DAAM1: variants seen among roughly 807,000 people sequenced by gnomAD.
The protein encoded by DAAM1 is dishevelled associated activator of morphogenesis 1.
DAAM1 carries 52 observed loss-of-function variants against 130.0 expected under a neutral mutation model. The ratio of observed to expected loss-of-function variants is 0.40; its 90% CI spans 0.32 to 0.50. The LOEUF (loss-of-function observed/expected upper bound fraction) is 0.50, where lower values mean the gene tolerates loss of function less well. Among genes scored for constraint, DAAM1 ranks in the 20% least tolerant of loss-of-function variants. The pLI, the probability that DAAM1 is intolerant of heterozygous loss-of-function variation, is 0.61. For synonymous variants in DAAM1, 452 were observed against 444.5 expected, an observed-to-expected ratio of 1.02 and a Z score of -0.21; for missense variants, 1,134 against 1,303.8, an observed-to-expected ratio of 0.87 and a Z score of 2.01.
intron 24 of DAAM1, among the ~76,000 whole-genome samples, chr14:59,367,987 G>C (rs1170221030): frequency 7.9e-5 from 12 of 152,086 alleles, no homozygotes; most frequent in African/African-American, 2.7e-4. Context: ...TGCAGTCCTT[G>C]AAAGACATGT....
intron 1 of DAAM1, among the ~76,000 whole-genome samples, chr14:59,198,791 G>C (rs1341730022): frequency 1.3e-5 from 2 of 152,136 alleles, no homozygotes; most frequent in African/African-American, 4.8e-5. Context: ...CTGTCTTTTG[G>C]TGCTTTGCAA....
intron 1 of DAAM1, among the ~76,000 whole-genome samples, chr14:59,241,623 T>C (rs1368046151): frequency 3.9e-5 from 6 of 152,220 alleles, no homozygotes; most frequent in African/African-American, 1.4e-4. Context: ...TTTTGCTCCT[T>C]AATTCTGCTC....
intron 2 of DAAM1, among the ~76,000 whole-genome samples, chr14:59,281,425 A>G (rs924712185): frequency 1.9e-4 from 29 of 152,092 alleles, no homozygotes; most frequent in African/African-American, 7.0e-4. Flanking sequence ...CTTTGGAGTA[A>G]ATTCACTTGC....
chr14:59,363,892 G>A (rs769629623), intron 23 of DAAM1, 110 bp downstream of exon 23: 387 of 1,463,718 alleles, frequency 2.6e-4, no homozygotes, highest in Non-Finnish European at 3.3e-4. Flanking sequence ...TCCAAACTTC[G>A]TGGTGCAGGA....
chr14:59,209,025 T>G (rs1194784065), intron 1 of DAAM1, among the ~76,000 whole-genome samples: 5 of 152,150 alleles, frequency 3.3e-5, no homozygotes. Context: ...AAATTAAACC[T>G]CTCTTCTTTA....
rs58762540 is a variant in DAAM1 at position 59,288,832 on chromosome 14, G to GGAGAGAGAGAGAGAGAGAGA, written c.184-2375_184-2356dup. On this transcript the variant is annotated intron_variant, in intron 2 of 24. Transcript: ENST00000360909. Reference sequence around the variant, plus strand: ...GCAAGCACATTTTCCTGTGATAGCAGGAGAGAGAGAGAGAGAGAGAGAGAG... The same window carrying GGAGAGAGAGAGAGAGAGAGA: ...GCAAGCACATTTTCCTGTGATAGCAGGAGAGAGAGAGAGAGAGAGAGAGAGAGAGAGAGAGAGAGAGAGAG... Among the ~76,000 whole-genome samples the GGAGAGAGAGAGAGAGAGAGA allele has an allele frequency of 5.0e-3, 720 of 143,878 alleles. 8 individuals carry two copies. Among genetic ancestry groups the GGAGAGAGAGAGAGAGAGAGA allele is most frequent in the African/African-American group, 0.018 (673 of 36,816 alleles). The allele number at this position is 143,878 out of a possible 152,430, so 94.4% of individuals were successfully genotyped here. A position where few individuals can be genotyped will look rare whatever the true frequency, so the allele number is the denominator to read the frequency against.
intron 2 of DAAM1, among the ~76,000 whole-genome samples, chr14:59,289,784 A>ATATATATATATACACATATAT: frequency 7.8e-6 from 1 of 128,714 alleles, no homozygotes; most frequent in African/African-American, 2.9e-5. Context: ...ATATATATAT[A>ATATATATATATACACATATAT]ATGGAATGCT....
Position 59,330,640 on chromosome 14 carries a change from C to G in DAAM1, c.1512C>G (p.Val504=). The G allele has an allele frequency of 1.2e-6, 2 of 1,613,878 alleles. No homozygotes were observed. The highest frequency in any genetic ancestry group is 1.7e-6 in the Non-Finnish European group (2 of 1,179,942). The change falls in exon 13 of 25, where the codon GTC becomes GTG. Residue 504 remains valine (V), a synonymous_variant. Transcript: ENST00000360909. ...LEKETTEHKQ[V]KQQVADLTAQ... ...AGGAGACTACTGAGCATAAGCAAGT[C>G]AAGCAGCAGGTGGCGGACCTCACAG...
Position 59,368,760 on chromosome 14 carries a change from T to C in DAAM1, c.3108T>C (p.Phe1036=). 6.2e-7 allele frequency: 1 copy of C among 1,614,052 alleles called. No homozygotes were observed. Among genetic ancestry groups the C allele is most frequent in the Non-Finnish European group, 8.5e-7 (1 of 1,179,958 alleles). The change falls in exon 25 of 25, where the codon TTT becomes TTC. Residue 1036 remains phenylalanine (F), a synonymous_variant. Coordinates refer to ENST00000360909, the MANE Select transcript of DAAM1 (RefSeq NM_001270520.2). ...LVSALRSGEV[F]DKDLSKLKRN... ...CAGCTTTACGCTCAGGAGAAGTGTTTGACAAAGACCTTTCTAAATTGAAAC... is the reference window on the plus strand; with the variant it reads ...CAGCTTTACGCTCAGGAGAAGTGTTCGACAAAGACCTTTCTAAATTGAAAC...
At chr14:59,215,882 A>G (rs139452036) in intron 1 of DAAM1, among the ~76,000 whole-genome samples, 1 of 152,338 alleles carries the variant, frequency 6.6e-6, no homozygotes, top group East Asian at 1.9e-4. Flanking sequence ...GCCTGCTGAA[A>G]TGACACTATA....
At chr14:59,327,547 A>T (rs1301141716) in intron 12 of DAAM1, among the ~76,000 whole-genome samples, 1 of 151,622 alleles carries the variant, frequency 6.6e-6, no homozygotes, top group African/African-American at 2.4e-5. Flanking sequence ...AGCTGGGACT[A>T]CCGGCGCCCG....
In DAAM1 at chr14:59,359,491, G is replaced by T. The variant is rs1336467739; in HGVS notation, c.2620G>T (p.Ala874Ser). The T allele has an allele frequency of 6.2e-7, 1 of 1,613,118 alleles. No homozygotes were observed. Among genetic ancestry groups the T allele is most frequent in the Non-Finnish European group, 8.5e-7 (1 of 1,179,248 alleles). Residue 874 changes from alanine to serine, a missense_variant, in exon 21 of 25, where the codon GCT (alanine) becomes TCT (serine). Ala to Ser is a moderately conservative substitution (Grantham distance 99, BLOSUM62 1). Around this residue, in one of 3 missense-constraint regions of DAAM1, gnomAD observed 644 missense variants for 695.9 expected, o/e 0.93. Transcript: ENST00000360909. The stretch of plus-strand genomic sequence containing the variant: ...TGAAGAATTGCGAGATATTCCTCAA[G>T]CTGCGAAAGTAAAGTAAGTACTTAC... ...LNEELRDIPQAAKVNMTELDK... is the reference protein window; with the variant it reads ...LNEELRDIPQSAKVNMTELDK...
intron 1 of DAAM1, among the ~76,000 whole-genome samples, chr14:59,200,517 A>G (rs1888065985): frequency 6.6e-6 from 1 of 152,184 alleles, no homozygotes; most frequent in Non-Finnish European, 1.5e-5. Context: ...GGCTTTGGCA[A>G]CACTGAAACT....
At chr14:59,203,968 G>A (rs1053169440) in intron 1 of DAAM1, among the ~76,000 whole-genome samples, 3 of 152,188 alleles carry the variant, frequency 2.0e-5, no homozygotes, top group South Asian at 2.1e-4. Flanking sequence ...ATTCATGATC[G>A]TCTGTGAAAC....
intron 10 of DAAM1, 51 bp downstream of exon 10, chr14:59,326,128 C>A: frequency 6.5e-7 from 1 of 1,541,338 alleles, no homozygotes; most frequent in Non-Finnish European, 9.0e-7. Flanking sequence ...TGGACATTGT[C>A]CTAATGGGTT....
intron 15 of DAAM1, among the ~76,000 whole-genome samples, chr14:59,334,623 G>A (rs10144516): frequency 0.29 from 43,858 of 152,012 alleles, 6,425 homozygotes; most frequent in African/African-American, 0.31. Context: ...AATCTCAGTA[G>A]TGTCGGATTA....
chr14:59,268,505 T>C (rs1463642785), intron 2 of DAAM1, among the ~76,000 whole-genome samples: 2 of 152,208 alleles, frequency 1.3e-5, no homozygotes, highest in Non-Finnish European at 2.9e-5. Flanking sequence ...CAACACTTGT[T>C]CTTATTCACC....
intron 3 of DAAM1, among the ~76,000 whole-genome samples, chr14:59,294,098 C>A (rs1237063845): frequency 6.6e-6 from 1 of 152,182 alleles, no homozygotes; most frequent in Non-Finnish European, 1.5e-5. Flanking sequence ...CATTCTCACA[C>A]ATAGTAAAGT....
At chr14:59,199,462 C>A (rs1297907573) in intron 1 of DAAM1, among the ~76,000 whole-genome samples, 6 of 152,104 alleles carry the variant, frequency 3.9e-5, no homozygotes, top group Non-Finnish European at 8.8e-5. Context: ...GCCAGCTGTC[C>A]ATGTTTTGCT....
Sources: allele counts gnomAD v4.1 joint callset (sites outside exome capture counted in the v4.1 genomes callset), GRCh38; gene constraint gnomAD v4.1.1; regional missense constraint gnomAD v4.1.1; transcripts MANE v1.5; gene names NCBI Gene and HGNC (gene_info 2026-07-23, HGNC 2026-07-21).